The following TRABD2B variants were observed in gnomAD, a reference collection of about 807,000 sequenced individuals.
The protein encoded by TRABD2B is metalloprotease TIKI2.
A neutral mutation model predicts 40.1 loss-of-function variants in TRABD2B; 14 were observed. That is an observed-to-expected ratio of 0.35 (90% CI 0.23 to 0.55). The LOEUF is 0.55. Ranked by LOEUF, TRABD2B falls within the 20% of genes least tolerant of loss-of-function variation. The pLI, the probability that TRABD2B is intolerant of heterozygous loss-of-function variation, is 0.90. For synonymous variants in TRABD2B, 263 were observed against 277.0 expected (o/e 0.95, Z 0.50); for missense variants, 541 against 648.6 (o/e 0.83, Z 1.80).
At chr1:47,786,332 G>C (rs1160169522) in intron 4 of TRABD2B, among the ~76,000 whole-genome samples, 1 of 152,206 alleles carries the variant, frequency 6.6e-6, no homozygotes. Flanking sequence ...TGCCAGATTT[G>C]TACATTCTCC....
intron 2 of TRABD2B, among the ~76,000 whole-genome samples, chr1:47,956,632 C>T (rs1645427149): frequency 6.6e-6 from 1 of 152,250 alleles, no homozygotes; most frequent in South Asian, 2.1e-4. Flanking sequence ...TGAGATCAAA[C>T]TGCAAGGCGG....
chr1:47,989,000 G>A (rs1002147888), intron 2 of TRABD2B, among the ~76,000 whole-genome samples: 1 of 152,192 alleles, frequency 6.6e-6, no homozygotes, highest in African/African-American at 2.4e-5. Context: ...AGTTCATGAG[G>A]TCTGTACACT....
intron 2 of TRABD2B, among the ~76,000 whole-genome samples, chr1:47,937,076 C>G (rs1645118938): frequency 6.8e-6 from 1 of 147,684 alleles, no homozygotes; most frequent in African/African-American, 2.5e-5. Context: ...TTATCACCAT[C>G]ATCATCACCA....
intron 2 of TRABD2B, among the ~76,000 whole-genome samples, chr1:47,856,907 G>A (rs1179428067): frequency 6.6e-6 from 1 of 152,236 alleles, no homozygotes; most frequent in Non-Finnish European, 1.5e-5. Flanking sequence ...AAAGGAAAAC[G>A]TACTAGAGGC....
At chr1:47,870,270 A>G (rs760292331) in intron 2 of TRABD2B, among the ~76,000 whole-genome samples, 22 of 152,286 alleles carry the variant, frequency 1.4e-4, no homozygotes, top group African/African-American at 4.8e-4. Context: ...AGAGATGCAG[A>G]CCTGAACCCA....
At chr1:47,895,225 G>A (rs922074407) in intron 2 of TRABD2B, among the ~76,000 whole-genome samples, 4 of 152,062 alleles carry the variant, frequency 2.6e-5, no homozygotes, top group Non-Finnish European at 4.4e-5. Flanking sequence ...CGGAGGGGAC[G>A]TGGATAGTCT....
At chr1:47,860,620 G>A (rs1274388553) in intron 2 of TRABD2B, among the ~76,000 whole-genome samples, 1 of 152,172 alleles carries the variant, frequency 6.6e-6, no homozygotes, top group Non-Finnish European at 1.5e-5. Context: ...CTGTGCTATG[G>A]TTTGAATGTG....
chr1:47,825,740 G>T (rs995325737), intron 2 of TRABD2B, among the ~76,000 whole-genome samples: 2 of 152,280 alleles, frequency 1.3e-5, no homozygotes, highest in South Asian at 4.1e-4. Flanking sequence ...AATCCTCAGG[G>T]TGGGCACTGA....
At chr1:47,878,884 T>C (rs1161244324) in intron 2 of TRABD2B, among the ~76,000 whole-genome samples, 3 of 151,832 alleles carry the variant, frequency 2.0e-5, no homozygotes, top group Non-Finnish European at 4.4e-5. Context: ...ATTGCTTGAG[T>C]TCAAGAGTTT....
In TRABD2B at chr1:47,996,701, C is replaced by G; in HGVS notation, c.89G>C (p.Arg30Pro). The G allele has an allele frequency of 8.1e-7, 1 of 1,228,868 alleles. No homozygotes were observed. The highest frequency in any genetic ancestry group is 3.2e-5 in the East Asian group (1 of 31,304). The allele number at this position is 1,228,868 out of a possible 1,614,324, so 76.1% of individuals were successfully genotyped here. Residue 30 changes from arginine to proline, a missense_variant, in exon 1 of 7, where the codon CGG (arginine) becomes CCG (proline). Arg to Pro is a moderately radical substitution (Grantham distance 103, BLOSUM62 -2). Around this residue, in one of 2 missense-constraint regions of TRABD2B, gnomAD observed 369 missense variants for 492.8 expected, o/e 0.75. Coordinates refer to ENST00000606738, the MANE Select transcript of TRABD2B (RefSeq NM_001194986.2). This position sits in a 1 kb window ranked among gnomAD's most constrained non-coding sequence, Gnocchi z 4.6. ...RPQPPDGGQCRPPGSQRDLNS... is the reference protein window; with the variant it reads ...RPQPPDGGQCPPPGSQRDLNS... ...GCGCTCGCTCACCGATCCGGGCGGC[C>G]GGCACTGTCCTCCGTCCGGGGGCTG...
intron 3 of TRABD2B, among the ~76,000 whole-genome samples, chr1:47,800,402 G>A (rs945726869): frequency 2.0e-5 from 3 of 152,178 alleles, no homozygotes; most frequent in Non-Finnish European, 4.4e-5. Context: ...AGAGGCATTC[G>A]GCAGAGGGAG....
chr1:47,858,204 CTTTATTTTA>C (rs1643915710), intron 2 of TRABD2B, among the ~76,000 whole-genome samples: 1 of 135,266 alleles, frequency 7.4e-6, no homozygotes, highest in African/African-American at 2.8e-5. Flanking sequence ...CTTTATTTTA[CTTTATTTTA>C]TTTTATTTTA....
chr1:47,990,843 G>A (rs1646000803), intron 2 of TRABD2B, among the ~76,000 whole-genome samples: 1 of 107,366 alleles, frequency 9.3e-6, no homozygotes, highest in Non-Finnish European at 1.8e-5. Context: ...ATAAAACGTT[G>A]GTTTTAGTGT....
chr1:47,932,589 G>C (rs1645053952), intron 2 of TRABD2B, among the ~76,000 whole-genome samples: 1 of 152,122 alleles, frequency 6.6e-6, no homozygotes, highest in Non-Finnish European at 1.5e-5. Flanking sequence ...GGGAAGAGAA[G>C]GGATAAGCAC....
In TRABD2B at chr1:47,971,953, A is replaced by T. The variant is rs1411475314; in HGVS notation, c.666+22081T>A. 5.9e-5 allele frequency among the ~76,000 whole-genome samples: 9 copies of T among 152,344 alleles called. 1 individual carries two copies. In the South Asian group the frequency reaches 1.7e-3, roughly 28 times the overall value. ...AGCACAAACAGATGAAAGAGCCAACAGTGAGATGGACTATCAGCAGAGACC... is the reference window on the plus strand; with the variant it reads ...AGCACAAACAGATGAAAGAGCCAACTGTGAGATGGACTATCAGCAGAGACC... On this transcript the variant is annotated intron_variant, in intron 2 of 6. Transcript: ENST00000606738.
At chr1:47,769,230 G>A (rs896478914) in intron 6 of TRABD2B, among the ~76,000 whole-genome samples, 1 of 152,078 alleles carries the variant, frequency 6.6e-6, no homozygotes, top group Non-Finnish European at 1.5e-5. Context: ...CCATAAAAAC[G>A]TCCTCCTAGC....
rs1172685182 is a variant in TRABD2B, at chr1:47,962,255, C to G, written c.666+31779G>C. Among the ~76,000 whole-genome samples, 3 of 152,130 alleles carry G rather than the reference C, an allele frequency of 2.0e-5. No homozygotes were observed. The East Asian group carries it at 5.8e-4, about 29-fold the overall frequency. On this transcript the variant is annotated intron_variant, in intron 2 of 6. Transcript: ENST00000606738. Reference sequence around the variant, plus strand: ...GGAGGGATAGCATTAGGAGATATACCTAATGTAAATGACGAGTTAATGGGT... The same window carrying G: ...GGAGGGATAGCATTAGGAGATATACGTAATGTAAATGACGAGTTAATGGGT...
intron 2 of TRABD2B, among the ~76,000 whole-genome samples, chr1:47,850,521 A>G (rs1322824246): frequency 1.3e-5 from 2 of 152,232 alleles, no homozygotes; most frequent in African/African-American, 4.8e-5. Context: ...CTAAGGGCAC[A>G]TTGCATGGAC....
intron 2 of TRABD2B, among the ~76,000 whole-genome samples, chr1:47,954,453 G>A (rs1236398278): frequency 6.6e-6 from 1 of 152,138 alleles, no homozygotes; most frequent in Non-Finnish European, 1.5e-5. Context: ...AGTCTAGTGG[G>A]GAGACCCTGA....
Sources: allele counts gnomAD v4.1 joint callset (sites outside exome capture counted in the v4.1 genomes callset), GRCh38; gene constraint gnomAD v4.1.1; regional missense constraint gnomAD v4.1.1; non-coding constraint Gnocchi (gnomAD v3.1); transcripts MANE v1.5; gene names NCBI Gene and HGNC (gene_info 2026-07-23, HGNC 2026-07-21).